Variants in ITSN1 observed in about 807,000 individuals in gnomAD.
ITSN1 encodes intersectin-1.
In ITSN1, 58 loss-of-function variants were observed where a neutral mutation model predicts 239.8. That is an observed-to-expected ratio of 0.24 (90% CI 0.20 to 0.30). ITSN1 has a LOEUF of 0.30. Among genes scored for constraint, ITSN1 ranks in the 10% least tolerant of loss-of-function variants. The pLI, the probability that ITSN1 is intolerant of heterozygous loss-of-function variation, is 1.00. For missense variants in ITSN1, 1,558 were observed against 2,103.3 expected (o/e 0.74, Z 5.07); for synonymous variants, 780 against 770.8 (o/e 1.01, Z -0.20).
intron 1 of ITSN1, among the ~76,000 whole-genome samples, chr21:33,672,601 T>C (rs1217335095): frequency 1.3e-5 from 2 of 152,178 alleles, no homozygotes; most frequent in African/African-American, 2.4e-5. Flanking sequence ...ATAGAACTAC[T>C]GTATGACCCA....
At chr21:33,885,568 A>G (rs754591715) in intron 38 of ITSN1, 46 bp downstream of exon 38, 47 of 1,487,142 alleles carry the variant, frequency 3.2e-5, no homozygotes, top group Non-Finnish European at 4.1e-5. Context: ...GGTTGGGAGT[A>G]GGGTCCGGGT....
rs987714410 is a variant in ITSN1 at position 33,742,125 on chromosome 21, C to T, written c.346+6921C>T. On this transcript the variant is annotated intron_variant, in intron 5 of 39. Coordinates refer to ENST00000381318, the MANE Select transcript of ITSN1 (RefSeq NM_003024.3). ...AGGCTGGAGTGCAGTGGCACCTTCT[C>T]GGCTCACTGCAACCTCCGCTTCCTG... Among the ~76,000 whole-genome samples, 4 of 149,206 alleles carry T rather than the reference C, an allele frequency of 2.7e-5. No homozygotes were observed. In the South Asian group the frequency reaches 8.4e-4, roughly 32 times the overall value.
At chr21:33,646,256 G>A (rs1473149902) in intron 1 of ITSN1, among the ~76,000 whole-genome samples, 1 of 152,158 alleles carries the variant, frequency 6.6e-6, no homozygotes, top group Non-Finnish European at 1.5e-5. Context: ...TGTGCTCAAG[G>A]TGATTAGCCA....
In ITSN1 at chr21:33,811,060, A is replaced by C; in HGVS notation, c.2405A>C (p.Glu802Ala). The C allele has an allele frequency of 6.2e-7, 1 of 1,614,180 alleles. No homozygotes were observed. The highest frequency in any genetic ancestry group is 8.5e-7 in the Non-Finnish European group (1 of 1,180,000). ...GGGTGGTTCCCTGCAAACTATGCAG[A>C]GAAAATCCCAGAAAATGAGGTTCCC... ...KTGWFPANYA[E>A]KIPENEVPAP... The change falls in exon 21 of 40, where the codon GAG (glutamate) becomes GCG (alanine). Residue 802 changes from glutamate to alanine, a missense_variant. Physicochemically the swap from Glu to Ala is moderately radical, Grantham distance 107 (BLOSUM62 -1). Coordinates refer to ENST00000381318, the MANE Select transcript of ITSN1 (RefSeq NM_003024.3).
At chr21:33,751,749 T>C (rs1323172991) in intron 6 of ITSN1, 61 bp from the exon 7 acceptor site, 3 of 1,309,224 alleles carry the variant, frequency 2.3e-6, no homozygotes, top group Non-Finnish European at 3.3e-6. Context: ...TTAATTTTTG[T>C]AAATTGGGGA....
rs2074614067 is a variant in ITSN1, at chr21:33,836,535, G to A, written c.3564G>A (p.Glu1188=). ...KGQIINVLNK[E]DPDWWKGEVN... Reference sequence around the variant, plus strand: ...AGATCATCAACGTCCTCAACAAGGAGGACCCTGACTGGTGGAAAGGAGAAG... The same window carrying A: ...AGATCATCAACGTCCTCAACAAGGAAGACCCTGACTGGTGGAAAGGAGAAG... Residue 1188 remains glutamate, a synonymous_variant, in exon 29 of 40, where the codon GAG becomes GAA. Coordinates refer to ENST00000381318, the MANE Select transcript of ITSN1 (RefSeq NM_003024.3). 1.2e-6 allele frequency: 2 copies of A among 1,614,006 alleles called. No individual in the cohort carries two copies. The highest frequency in any genetic ancestry group is 3.3e-5 in the Admixed American group (2 of 59,990).
chr21:33,741,889 C>T (rs1391136373), intron 5 of ITSN1, among the ~76,000 whole-genome samples: 3 of 75,860 alleles, frequency 4.0e-5, no homozygotes, highest in African/African-American at 6.5e-5. Flanking sequence ...AGCGAGATTC[C>T]GTCTCAAAAA....
intron 1 of ITSN1, among the ~76,000 whole-genome samples, chr21:33,654,828 C>G (rs578154643): frequency 6.6e-6 from 1 of 152,300 alleles, no homozygotes; most frequent in East Asian, 1.9e-4. Context: ...AGAGAGAACA[C>G]TACCTGACTC....
At chr21:33,877,168 C>T (rs908824448) in intron 34 of ITSN1, among the ~76,000 whole-genome samples, 6 of 150,444 alleles carry the variant, frequency 4.0e-5, no homozygotes, top group African/African-American at 1.2e-4. Flanking sequence ...GTTCTCCTGC[C>T]TCAGCCTCAA....
In ITSN1 at chr21:33,890,720, C is replaced by T. The variant is rs931562589; in HGVS notation, c.*2420C>T. ...ATTGGGCCTCTCTGTTCCTTCACCTCTACCTTCTTGACCACCTGGGCTATA... is the reference window on the plus strand; with the variant it reads ...ATTGGGCCTCTCTGTTCCTTCACCTTTACCTTCTTGACCACCTGGGCTATA... On this transcript the variant is annotated 3_prime_UTR_variant, in exon 40 of 40. Transcript: ENST00000381318. 2 of 152,190 alleles carry T rather than the reference C, an allele frequency of 1.3e-5. No individual in the cohort carries two copies. The highest frequency in any genetic ancestry group is 2.4e-5 in the African/African-American group (1 of 41,434). The allele number at this position is 152,190 out of a possible 1,614,324, so 9.4% of individuals were successfully genotyped here.
At position 33,797,674 on chromosome 21, in the gene ITSN1, G is replaced by A. The variant is rs1420684307; in HGVS notation, c.2182+66G>A. 4.6e-6 allele frequency: 6 copies of A among 1,311,408 alleles called. No individual in the cohort carries two copies. In the Admixed American group the frequency reaches 7.7e-5, roughly 17 times the overall value. 81.2% of individuals were successfully genotyped at this position (1,311,408 alleles called of 1,614,324 possible). A position where few individuals can be genotyped will look rare whatever the true frequency, so the allele number is the denominator to read the frequency against. ...TCTCTCCCAGAGCCTCCTGAAAAAT[G>A]CCCCTATCTCATCAGTACCTGTCTT... On this transcript the variant is annotated intron_variant, in intron 18 of 39. Coordinates refer to ENST00000381318, the MANE Select transcript of ITSN1 (RefSeq NM_003024.3). The surrounding 1 kb of genome is among the most constrained non-coding windows in gnomAD (Gnocchi z 4.9).
At chr21:33,803,330 A>T (rs772746699) in intron 20 of ITSN1, among the ~76,000 whole-genome samples, 87 of 152,244 alleles carry the variant, frequency 5.7e-4, no homozygotes, top group Non-Finnish European at 2.9e-4. Flanking sequence ...CCTTCCTCTC[A>T]TTCTTCTCCT....
intron 12 of ITSN1, chr21:33,774,384 T>C (rs2069427722): frequency 1.2e-5 from 2 of 170,786 alleles, no homozygotes; most frequent in Non-Finnish European, 2.5e-5. Context: ...TTTTACTACA[T>C]AAATTTTCCT....
Position 33,755,290 on chromosome 21 carries a change from C to G in ITSN1, c.624-7C>G, listed in dbSNP as rs368428356. On this transcript the variant is annotated splice_polypyrimidine_tract_variant and splice_region_variant and intron_variant, in intron 7 of 39. Transcript: ENST00000381318. The stretch of plus-strand genomic sequence containing the variant: ...TCCTCTTTCTCTCCTTTTTCTTTTC[C>G]CCACAGTGTCCCACCAGTGGCAGAG... The G allele has an allele frequency of 7.4e-5, 116 of 1,560,928 alleles. No homozygotes were observed. Among genetic ancestry groups the G allele is most frequent in the Non-Finnish European group, 8.8e-5 (101 of 1,141,760 alleles).
intron 34 of ITSN1, among the ~76,000 whole-genome samples, chr21:33,879,447 C>A (rs1984535355): frequency 6.6e-6 from 1 of 152,160 alleles, no homozygotes; most frequent in African/African-American, 2.4e-5. Context: ...GAATGATGGG[C>A]CACAGGGCTG....
intron 1 of ITSN1, among the ~76,000 whole-genome samples, chr21:33,704,968 A>G (rs939905264): frequency 3.5e-4 from 53 of 150,094 alleles, no homozygotes; most frequent in Admixed American, 1.1e-3. Context: ...AACATTAGCC[A>G]GGCGTGGTGG....
At position 33,765,669 on chromosome 21, in the gene ITSN1, A is replaced by G. The variant is rs16990842; in HGVS notation, c.789-206A>G. On this transcript the variant is annotated intron_variant, in intron 9 of 39. Transcript: ENST00000381318. The stretch of plus-strand genomic sequence containing the variant: ...GGAAGAGTATCATTATAATCATAGC[A>G]TTTGTTGAATGAGGAACACTGTCCC... Among the ~76,000 whole-genome samples, 1,280 of 152,304 alleles carry G rather than the reference A, an allele frequency of 8.4e-3. 67 individuals carry two copies. The highest frequency in any genetic ancestry group is 0.074 in the Admixed American group (1,129 of 15,298).
At chr21:33,660,265 G>A (rs1463214683) in intron 1 of ITSN1, among the ~76,000 whole-genome samples, 2 of 151,982 alleles carry the variant, frequency 1.3e-5, no homozygotes, top group East Asian at 1.9e-4. Context: ...ATCTTTCCCC[G>A]TGCTTTTATC....
intron 1 of ITSN1, among the ~76,000 whole-genome samples, chr21:33,670,843 G>A (rs1251546917): frequency 6.6e-6 from 1 of 152,204 alleles, no homozygotes; most frequent in African/African-American, 2.4e-5. Flanking sequence ...ACACGGTAGA[G>A]GTACATTACT....
Sources: gnomAD v4.1 joint callset for allele counts (sites outside exome capture counted in the v4.1 genomes callset) on GRCh38, gnomAD v4.1.1 for gene constraint, Gnocchi (gnomAD v3.1) non-coding constraint, MANE v1.5 for transcripts, NCBI Gene and HGNC (gene_info 2026-07-23, HGNC 2026-07-21) for gene names.